SPATA2: variants seen among roughly 807,000 people sequenced by gnomAD.
SPATA2 encodes spermatogenesis associated 2, also known as spermatogenesis-associated protein 2.
A neutral mutation model predicts 35.4 loss-of-function variants in SPATA2; 8 were observed. The ratio of observed to expected loss-of-function variants is 0.23; its 90% CI spans 0.13 to 0.41. The LOEUF is 0.41. Among genes scored for constraint, SPATA2 ranks in the 10% least tolerant of loss-of-function variants. The pLI, the probability that SPATA2 is intolerant of heterozygous loss-of-function variation, is 1.00. For synonymous variants in SPATA2, 293 were observed against 300.9 expected, an observed-to-expected ratio of 0.97 and a Z score of 0.27; for missense variants, 650 against 698.7, an observed-to-expected ratio of 0.93 and a Z score of 0.79.
At chr20:49,914,019 C>G (rs1175748401) in intron 1 of SPATA2, among the ~76,000 whole-genome samples, 2 of 124,122 alleles carry the variant, frequency 1.6e-5, no homozygotes, top group African/African-American at 6.0e-5. Flanking sequence ...CCAAGCCGTG[C>G]CAGTCTGGTG....
chr20:49,906,350 G>C lies in SPATA2; in HGVS notation c.832C>G (p.Pro278Ala), dbSNP rs1265814669. 6.2e-7 allele frequency: 1 copy of C among 1,612,800 alleles called. No homozygotes were observed. The highest frequency in any genetic ancestry group is 8.5e-7 in the Non-Finnish European group (1 of 1,179,190). The change falls in exon 3 of 3, where the codon CCT becomes GCT. Residue 278 changes from proline to alanine, a missense_variant. Physicochemically the swap from Pro to Ala is conservative, Grantham distance 27. Transcript: ENST00000289431. This position sits in a 1 kb window ranked among gnomAD's most constrained non-coding sequence, Gnocchi z 8.2. ...LKASLSLRKE[P>A]VATDVGDDLK... Reference sequence around the variant, plus strand: ...TCGTCCCCCACATCCGTTGCCACAGGCTCCTTCCGAAGACTCAATGAGGCC... The same window carrying C: ...TCGTCCCCCACATCCGTTGCCACAGCCTCCTTCCGAAGACTCAATGAGGCC...
rs1472696452 is a variant in SPATA2 at position 49,906,115 on chromosome 20, T to C, written c.1067A>G (p.Asp356Gly). ...GGCATCGTTTCTGAGCAGCCACACA[T>C]CCGGCCGCAGAGCATCCTGCCGACG... ...TYRRQDALRP[D>G]VWLLRNDAHS... Residue 356 changes from aspartate to glycine, a missense_variant, in exon 3 of 3, where the codon GAT (aspartate) becomes GGT (glycine). Transcript: ENST00000289431. This position sits in a 1 kb window ranked among gnomAD's most constrained non-coding sequence, Gnocchi z 8.2. The C allele has an allele frequency of 6.2e-7, 1 of 1,612,258 alleles. No homozygotes were observed. Among genetic ancestry groups the C allele is most frequent in the Non-Finnish European group, 8.5e-7 (1 of 1,179,562 alleles).
chr20:49,905,476 G>T lies in SPATA2; in HGVS notation c.*143C>A. The T allele has an allele frequency of 1.2e-6, 1 of 868,148 alleles. No individual in the cohort carries two copies. Among genetic ancestry groups the T allele is most frequent in the Non-Finnish European group, 1.8e-6 (1 of 566,180 alleles). 53.8% of individuals were successfully genotyped at this position (868,148 alleles called of 1,614,324 possible). A position where few individuals can be genotyped will look rare whatever the true frequency, so the allele number is the denominator to read the frequency against. Reference sequence around the variant, plus strand: ...GAGTCGCTAAGTGAACTCCCACGTGGACACAGCCAGCCCACGATCTCTGCC... The same window carrying T: ...GAGTCGCTAAGTGAACTCCCACGTGTACACAGCCAGCCCACGATCTCTGCC... On this transcript the variant is annotated 3_prime_UTR_variant, in exon 3 of 3. Coordinates refer to ENST00000289431, the MANE Select transcript of SPATA2 (RefSeq NM_006038.4).
Position 49,906,609 on chromosome 20 carries a change from C to T in SPATA2, c.573G>A (p.Leu191=). 1.2e-6 allele frequency: 2 copies of T among 1,614,256 alleles called. No individual in the cohort carries two copies. Among genetic ancestry groups the T allele is most frequent in the Non-Finnish European group, 1.7e-6 (2 of 1,180,052 alleles). ...SQVKDKGYSE[L]DIVSERKSSA... is the part of the protein sequence containing the mutation. Reference sequence around the variant, plus strand: ...TGCTCTTGCGCTCGCTCACAATGTCCAGCTCGGAGTAGCCCTTGTCCTTCA... The same window carrying T: ...TGCTCTTGCGCTCGCTCACAATGTCTAGCTCGGAGTAGCCCTTGTCCTTCA... The change falls in exon 3 of 3, where the codon CTG becomes CTA. Residue 191 remains leucine, a synonymous_variant. Coordinates refer to ENST00000289431, the MANE Select transcript of SPATA2 (RefSeq NM_006038.4). This position sits in a 1 kb window ranked among gnomAD's most constrained non-coding sequence, Gnocchi z 8.2.
chr20:49,908,798 C>T (rs1271522828), intron 1 of SPATA2, among the ~76,000 whole-genome samples: 2 of 152,126 alleles, frequency 1.3e-5, no homozygotes, highest in Admixed American at 6.5e-5. Flanking sequence ...ATGAAAAATA[C>T]GATTAATATT....
rs2090146056 is a variant in SPATA2 at position 49,906,532 on chromosome 20, C to T, written c.650G>A (p.Gly217Asp). 2 of 1,612,728 alleles carry T rather than the reference C, an allele frequency of 1.2e-6. No homozygotes were observed. The highest frequency in any genetic ancestry group is 1.7e-6 in the Non-Finnish European group (2 of 1,179,822). Residue 217 changes from glycine to aspartate, a missense_variant, in exon 3 of 3, where the codon GGC (glycine) becomes GAC (aspartate). Gly to Asp is a moderately conservative substitution (Grantham distance 94, BLOSUM62 -1). Coordinates refer to ENST00000289431, the MANE Select transcript of SPATA2 (RefSeq NM_006038.4). The surrounding 1 kb of genome is among the most constrained non-coding windows in gnomAD (Gnocchi z 8.2). The stretch of plus-strand genomic sequence containing the variant: ...CATGGAGGCCGTCAGGTGCTCCCGG[C>T]CCTCTGCCCGCCGCCGCAGGGCGTC... ...CSDALRRRAE[G>D]REHLTASMSR...
At chr20:49,912,219 C>A (rs1410001668) in intron 1 of SPATA2, among the ~76,000 whole-genome samples, 2 of 152,188 alleles carry the variant, frequency 1.3e-5, no homozygotes, top group African/African-American at 2.4e-5. Context: ...TCTGGGAGGC[C>A]AAGGTGGGTG....
At chr20:49,908,104 G>A (rs1364322739) in intron 2 of SPATA2, 51 bp downstream of exon 2, 2 of 1,522,504 alleles carry the variant, frequency 1.3e-6, no homozygotes, top group South Asian at 2.5e-5. Context: ...GGACTGCCAG[G>A]GGCAGGAAGA....
intron 1 of SPATA2, 113 bp from the exon 2 acceptor site, chr20:49,908,705 C>T: frequency 1.8e-6 from 1 of 568,912 alleles, no homozygotes; most frequent in Non-Finnish European, 3.1e-6. Flanking sequence ...TGGACCCCAG[C>T]AGCACACTAC....
intron 2 of SPATA2, among the ~76,000 whole-genome samples, chr20:49,907,489 G>A (rs963906031): frequency 3.3e-5 from 5 of 152,142 alleles, no homozygotes; most frequent in Non-Finnish European, 7.3e-5. Context: ...GGCAGAACGC[G>A]GTGACAATCA....
In SPATA2 at chr20:49,903,896, C is replaced by CAGATAGATAGATAGAT. The variant is rs1195528869; in HGVS notation, c.*1722_*1723insATCTATCTATCTATCT. 1.2e-5 allele frequency: 1 copy of CAGATAGATAGATAGAT among 83,246 alleles called. No homozygotes were observed. Among genetic ancestry groups the CAGATAGATAGATAGAT allele is most frequent in the Admixed American group, 1.3e-4 (1 of 7,470 alleles). 5.2% of individuals were successfully genotyped at this position (83,246 alleles called of 1,614,324 possible). A position where few individuals can be genotyped will look rare whatever the true frequency, so the allele number is the denominator to read the frequency against. ...CACTGTACATCTACATGTGATCTAC[C>CAGATAGATAGATAGAT]AGATAGATATATATATATATATATA... On this transcript the variant is annotated 3_prime_UTR_variant, in exon 3 of 3. Transcript: ENST00000289431.
At position 49,903,681 on chromosome 20, in the gene SPATA2, C is replaced by T. The variant is rs995967037; in HGVS notation, c.*1938G>A. ...CCATAGGGTAAGTTACGTGGCATCA[C>T]GGTTGGTTAGAAAGAGTTAGTTACT... is the stretch of plus-strand genomic sequence containing the variant. On this transcript the variant is annotated 3_prime_UTR_variant, in exon 3 of 3. Transcript: ENST00000289431. 4.0e-5 allele frequency: 6 copies of T among 151,652 alleles called. No homozygotes were observed. Among genetic ancestry groups the T allele is most frequent in the East Asian group, 1.9e-4 (1 of 5,182 alleles). The allele number at this position is 151,652 out of a possible 1,614,324, so 9.4% of individuals were successfully genotyped here.
chr20:49,914,046 A>C (rs6067269), intron 1 of SPATA2, among the ~76,000 whole-genome samples: 81,878 of 149,916 alleles, frequency 0.55, 23,592 homozygotes, highest in East Asian at 0.86. Context: ...AAAAAAAAAA[A>C]AAACCCAAAA....
At chr20:49,908,091 G>A (rs759756274) in intron 2 of SPATA2, 64 bp downstream of exon 2, 3 of 1,481,960 alleles carry the variant, frequency 2.0e-6, no homozygotes, top group Non-Finnish European at 2.7e-6. Flanking sequence ...AGCCTCTCAG[G>A]AGGGACTGCC....
In SPATA2 at chr20:49,906,473, G is replaced by T. The variant is rs900677334; in HGVS notation, c.709C>A (p.Arg237=). The T allele has an allele frequency of 6.2e-7, 1 of 1,611,022 alleles. No individual in the cohort carries two copies. ...GGCTTGTAGTAGTCCTTGGCCGCCC[G>T]CTCGCTGGCCGACTTCTGGAGTGCC... ...RVALQKSASE[R]AAKDYYKPRV... is the part of the protein sequence containing the mutation. Residue 237 remains arginine, a synonymous_variant, in exon 3 of 3, where the codon CGG becomes AGG. Transcript: ENST00000289431. The surrounding 1 kb of genome is among the most constrained non-coding windows in gnomAD (Gnocchi z 8.2).
rs780196901 is a variant in SPATA2 at position 49,906,810 on chromosome 20, C to G, written c.372G>C (p.Ser124=). 5.0e-6 allele frequency: 8 copies of G among 1,612,214 alleles called. No homozygotes were observed. The highest frequency in any genetic ancestry group is 6.8e-6 in the Non-Finnish European group (8 of 1,178,578). ...YTGPFVYYVK[S]TLLEEDIRAI... ...CTCGGATGTCCTCTTCCAGTAATGT[C>G]GACTTGACATAATAAACAAAAGGGC... The change falls in exon 3 of 3, where the codon TCG becomes TCC. Residue 124 remains serine (S), a synonymous_variant. Coordinates refer to ENST00000289431, the MANE Select transcript of SPATA2 (RefSeq NM_006038.4). This position sits in a 1 kb window ranked among gnomAD's most constrained non-coding sequence, Gnocchi z 8.2.
chr20:49,914,589 T>C (rs1369927313), intron 1 of SPATA2, among the ~76,000 whole-genome samples: 3 of 151,344 alleles, frequency 2.0e-5, no homozygotes, highest in Non-Finnish European at 4.4e-5. Flanking sequence ...CACCAGAAGG[T>C]CCCCACACTC....
In SPATA2 at chr20:49,906,257, G is replaced by T; in HGVS notation, c.925C>A (p.Pro309Thr). The change falls in exon 3 of 3, where the codon CCG (proline) becomes ACG (threonine). Residue 309 changes from proline to threonine, a missense_variant. Physicochemically the swap from Pro to Thr is conservative, Grantham distance 38. Transcript: ENST00000289431. The surrounding 1 kb of genome is among the most constrained non-coding windows in gnomAD (Gnocchi z 8.2). The part of the protein sequence containing the change: ...LTMASSPHGS[P>T]DVLPPASPSN... ...GGGGAGGCGGGTGGAAGCACATCCG[G>T]GCTGCCGTGGGGGGAGCTGGCCATG... 6.4e-7 allele frequency: 1 copy of T among 1,569,954 alleles called. No individual in the cohort carries two copies. The highest frequency in any genetic ancestry group is 8.6e-7 in the Non-Finnish European group (1 of 1,156,526).
In SPATA2 at chr20:49,908,304, G is replaced by A. The variant is rs1460915361; in HGVS notation, c.187C>T (p.Leu63=). ...HKVDPFYRFR[L]IQFYEVVESS... ...TCCACCACCTCATAGAACTGGATCA[G>A]CCGGAATCGATAAAAGGGATCCACC... The change falls in exon 2 of 3, where the codon CTG becomes TTG. Residue 63 remains leucine, a synonymous_variant. Transcript: ENST00000289431. The A allele has an allele frequency of 1.9e-6, 3 of 1,614,248 alleles. No individual in the cohort carries two copies. Among genetic ancestry groups the A allele is most frequent in the Non-Finnish European group, 2.5e-6 (3 of 1,180,032 alleles).
Sources: gnomAD v4.1 joint callset for allele counts (sites outside exome capture counted in the v4.1 genomes callset) on GRCh38, gnomAD v4.1.1 for gene constraint, Gnocchi (gnomAD v3.1) non-coding constraint, MANE v1.5 for transcripts, NCBI Gene and HGNC (gene_info 2026-07-23, HGNC 2026-07-21) for gene names.